CLCN3: variants seen among roughly 807,000 people sequenced by gnomAD.
The protein encoded by CLCN3 is H(+)/Cl(-) exchange transporter 3.
A neutral mutation model predicts 83.4 loss-of-function variants in CLCN3; 16 were observed. The ratio of observed to expected loss-of-function variants is 0.19; its 90% CI spans 0.13 to 0.29. CLCN3 has a LOEUF of 0.29. CLCN3 is among the 10% of genes least tolerant of loss of function. The pLI is 1.00. For missense variants in CLCN3, 544 were observed against 1,006.0 expected, an observed-to-expected ratio of 0.54 and a Z score of 6.21; for synonymous variants, 322 against 346.2, an observed-to-expected ratio of 0.93 and a Z score of 0.78.
At chr4:169,681,260 C>G (rs765051898) in intron 3 of CLCN3, among the ~76,000 whole-genome samples, 1 of 152,182 alleles carries the variant, frequency 6.6e-6, no homozygotes, top group Non-Finnish European at 1.5e-5. Flanking sequence ...GTTGGCGAGG[C>G]TAGTCTCAGA....
At position 169,689,097 on chromosome 4, in the gene CLCN3, A is replaced by G. The variant is rs1259824647; in HGVS notation, c.473A>G (p.Glu158Gly). The G allele has an allele frequency of 6.2e-7, 1 of 1,613,614 alleles. No homozygotes were observed. The highest frequency in any genetic ancestry group is 1.1e-5 in the South Asian group (1 of 90,960). ...IAADWMTDLK[E>G]GICLSALWYN... ...GCCGATTGGATGACTGACCTAAAGG[A>G]GGGCATTTGCCTTAGTGCGTTGTGG... The change falls in exon 5 of 13, where the codon GAG (glutamate) becomes GGG (glycine). Residue 158 changes from glutamate to glycine, a missense_variant. By Grantham distance (98) the Glu-to-Gly change is moderately conservative. This residue lies in a region of CLCN3 where 96 missense variants were observed against 202.1 expected (regional missense o/e 0.48). Coordinates refer to ENST00000513761, the MANE Select transcript of CLCN3 (RefSeq NM_001829.4).
intron 2 of CLCN3, among the ~76,000 whole-genome samples, chr4:169,669,607 TA>T (rs1015294794): frequency 1.3e-5 from 2 of 152,202 alleles, no homozygotes; most frequent in Non-Finnish European, 2.9e-5. Context: ...GAAGTATGAA[TA>T]AAAAAATCAA....
rs1389308334 is a variant in CLCN3, at chr4:169,635,946, G to C, written c.18G>C (p.Leu6=). 1.2e-6 allele frequency: 2 copies of C among 1,602,590 alleles called. No individual in the cohort carries two copies. Among genetic ancestry groups the C allele is most frequent in the Non-Finnish European group, 1.7e-6 (2 of 1,174,360 alleles). ...ACAGCTAAATGGAGTCTGAGCAGCT[G>C]TTCCATAGAGGCTACTATAGAAACA... is the stretch of plus-strand genomic sequence containing the variant. MESEQ[L]FHRGYYRNSY... is the part of the protein sequence containing the mutation. Residue 6 remains leucine (L), a synonymous_variant, in exon 2 of 13, where the codon CTG becomes CTC. Transcript: ENST00000513761.
intron 2 of CLCN3, among the ~76,000 whole-genome samples, chr4:169,664,652 C>T (rs949105014): frequency 1.3e-5 from 2 of 152,146 alleles, no homozygotes; most frequent in African/African-American, 2.4e-5. Context: ...TAGTATAAAA[C>T]AAAGCCTGTT....
At chr4:169,718,753 CTG>C (rs1438179759) in intron 12 of CLCN3, among the ~76,000 whole-genome samples, 2 of 152,170 alleles carry the variant, frequency 1.3e-5, no homozygotes, top group Non-Finnish European at 2.9e-5. Flanking sequence ...TTATGTATTC[CTG>C]TGTGTATGCT....
chr4:169,711,867 AT>A (rs904113975), intron 11 of CLCN3, among the ~76,000 whole-genome samples: 1 of 151,490 alleles, frequency 6.6e-6, no homozygotes, highest in Non-Finnish European at 1.5e-5. Context: ...CAAAAAATAT[AT>A]TTTTTTTTCT....
At chr4:169,698,586 C>T (rs1442883169) in intron 9 of CLCN3, among the ~76,000 whole-genome samples, 4 of 152,216 alleles carry the variant, frequency 2.6e-5, no homozygotes, top group African/African-American at 4.8e-5. Context: ...CACAGAGGCC[C>T]GACCACATTC....
At chr4:169,625,296 T>C (rs1773205171) in intron 1 of CLCN3, among the ~76,000 whole-genome samples, 1 of 152,212 alleles carries the variant, frequency 6.6e-6, no homozygotes. Context: ...TCTTTTTAGC[T>C]TAACAGAGAG....
chr4:169,639,267 A>G (rs972042833), intron 2 of CLCN3, among the ~76,000 whole-genome samples: 2 of 152,192 alleles, frequency 1.3e-5, no homozygotes, highest in African/African-American at 4.8e-5. Context: ...TTTAGGTTCG[A>G]ACGATCCTCT....
intron 1 of CLCN3, among the ~76,000 whole-genome samples, chr4:169,622,169 C>T (rs1285263795): frequency 6.6e-6 from 1 of 152,098 alleles, no homozygotes; most frequent in Admixed American, 6.5e-5. Context: ...TTTAAGAAGT[C>T]AATATGAATG....
intron 1 of CLCN3, among the ~76,000 whole-genome samples, chr4:169,629,761 G>T (rs774962098): frequency 3.3e-5 from 5 of 152,182 alleles, no homozygotes; most frequent in Non-Finnish European, 7.3e-5. Context: ...ATGGCAGACA[G>T]ATATTAAATA....
Position 169,622,048 on chromosome 4 carries a change from A to T in CLCN3, c.-17+985A>T, listed in dbSNP as rs117148028. On this transcript the variant is annotated intron_variant, in intron 1 of 12. Coordinates refer to ENST00000513761, the MANE Select transcript of CLCN3 (RefSeq NM_001829.4). ...TGCGTATATGGCCTCTGGTTAATAC[A>T]GACAGCCACTGTTGGCAGAATTCAT... Among the ~76,000 whole-genome samples, 47 of 152,366 alleles carry T rather than the reference A, an allele frequency of 3.1e-4. 1 individual carries two copies. In the East Asian group the frequency reaches 7.1e-3, roughly 23 times the overall value.
rs79131729 is a variant in CLCN3, at chr4:169,713,400, G to A, written c.2366+105G>A. 3,884 of 826,662 alleles carry A rather than the reference G, an allele frequency of 4.7e-3. 90 individuals carry two copies. The African/African-American group carries it at 0.055, about 12-fold the overall frequency. The allele number at this position is 826,662 out of a possible 1,614,324, so 51.2% of individuals were successfully genotyped here. ...GAGCATGTGAGTCAGCTCCCAGGTG[G>A]GAAAGTCTGTCCTATGGTATAGTCA... is the stretch of plus-strand genomic sequence containing the variant. On this transcript the variant is annotated intron_variant, in intron 12 of 12. Coordinates refer to ENST00000513761, the MANE Select transcript of CLCN3 (RefSeq NM_001829.4).
chr4:169,669,299 C>T (rs1302637992), intron 2 of CLCN3, among the ~76,000 whole-genome samples: 1 of 152,038 alleles, frequency 6.6e-6, no homozygotes, highest in African/African-American at 2.4e-5. Context: ...AGATAATGTT[C>T]ATAATGGCAA....
At chr4:169,715,880 T>G (rs1733405353) in intron 12 of CLCN3, among the ~76,000 whole-genome samples, 1 of 152,158 alleles carries the variant, frequency 6.6e-6, no homozygotes, top group Non-Finnish European at 1.5e-5. Flanking sequence ...CAATTGAGGT[T>G]TCTTTACTAT....
At chr4:169,640,453 T>C (rs1730376904) in intron 2 of CLCN3, among the ~76,000 whole-genome samples, 1 of 152,198 alleles carries the variant, frequency 6.6e-6, no homozygotes, top group Non-Finnish European at 1.5e-5. Flanking sequence ...GAGTGAGTGC[T>C]AAACAATCTA....
chr4:169,688,678 T>TA (rs1373730045), intron 4 of CLCN3, among the ~76,000 whole-genome samples: 3 of 152,240 alleles, frequency 2.0e-5, no homozygotes, highest in African/African-American at 4.8e-5. Flanking sequence ...CATTAAATTT[T>TA]AATGAAATTG....
chr4:169,638,364 T>A (rs886656261), intron 2 of CLCN3, among the ~76,000 whole-genome samples: 9 of 152,204 alleles, frequency 5.9e-5, no homozygotes, highest in Non-Finnish European at 8.8e-5. Context: ...ACTATTGGGT[T>A]TTACCTTTCT....
chr4:169,690,721 T>C, intron 6 of CLCN3, 69 bp downstream of exon 6: 1 of 1,471,904 alleles, frequency 6.8e-7, no homozygotes, highest in Non-Finnish European at 9.1e-7. Context: ...TTAGTGATAA[T>C]AAAAGTTGGC....
Sources: allele counts gnomAD v4.1 joint callset (sites outside exome capture counted in the v4.1 genomes callset), GRCh38; gene constraint gnomAD v4.1.1; regional missense constraint gnomAD v4.1.1; transcripts MANE v1.5; gene names NCBI Gene and HGNC (gene_info 2026-07-23, HGNC 2026-07-21).